Variants in FIGN observed in about 807,000 individuals in gnomAD.
The protein encoded by FIGN is fidgetin, microtubule severing factor.
A neutral mutation model predicts 51.3 loss-of-function variants in FIGN; 11 were observed. The ratio of observed to expected loss-of-function variants is 0.21; its 90% CI spans 0.13 to 0.35. The LOEUF (loss-of-function observed/expected upper bound fraction) is 0.35. Ranked by LOEUF, FIGN falls within the 10% of genes least tolerant of loss-of-function variation. FIGN has a pLI of 1.00. For missense variants in FIGN, 857 were observed against 943.6 expected (o/e 0.91, Z 1.20); for synonymous variants, 407 against 363.2 (o/e 1.12, Z -1.37).
At chr2:163,691,225 A>G (rs1684234332) in intron 2 of FIGN, among the ~76,000 whole-genome samples, 1 of 152,208 alleles carries the variant, frequency 6.6e-6, no homozygotes, top group Non-Finnish European at 1.5e-5. Flanking sequence ...TACAAAACAC[A>G]GACTGCACAC....
chr2:163,708,825 A>G (rs982044695), intron 2 of FIGN, among the ~76,000 whole-genome samples: 1 of 152,156 alleles, frequency 6.6e-6, no homozygotes, highest in African/African-American at 2.4e-5. Context: ...TGCTTCCACA[A>G]ACAAAATACT....
chr2:163,624,713 T>A (rs1041227077), intron 2 of FIGN, among the ~76,000 whole-genome samples: 4 of 148,882 alleles, frequency 2.7e-5, no homozygotes, highest in Non-Finnish European at 5.9e-5. Context: ...TATATATTTT[T>A]TTTTTTCCTA....
chr2:163,653,002 A>T (rs1471400823), intron 2 of FIGN, among the ~76,000 whole-genome samples: 1 of 152,168 alleles, frequency 6.6e-6, no homozygotes, highest in Non-Finnish European at 1.5e-5. Context: ...TGTAAAAATG[A>T]TTAAGAGAGA....
chr2:163,638,060 T>C (rs1288449103), intron 2 of FIGN, among the ~76,000 whole-genome samples: 1 of 151,932 alleles, frequency 6.6e-6, no homozygotes, highest in Admixed American at 6.6e-5. Context: ...CTTTTAAGCA[T>C]TGCTCCCTGA....
chr2:163,703,128 T>C (rs550831101), intron 2 of FIGN, among the ~76,000 whole-genome samples: 22 of 151,836 alleles, frequency 1.4e-4, no homozygotes, highest in African/African-American at 5.1e-4. Context: ...TTTTTTGTAA[T>C]TGAAAAAATA....
At chr2:163,708,998 C>T (rs1290643173) in intron 2 of FIGN, among the ~76,000 whole-genome samples, 1 of 152,114 alleles carries the variant, frequency 6.6e-6, no homozygotes, top group Non-Finnish European at 1.5e-5. Flanking sequence ...ATAGATTCTT[C>T]CTGAAGAGTC....
At chr2:163,634,089 C>T (rs75425246) in intron 2 of FIGN, among the ~76,000 whole-genome samples, 26 of 145,494 alleles carry the variant, frequency 1.8e-4, no homozygotes, top group African/African-American at 5.1e-4. Flanking sequence ...CGTATGTATG[C>T]GTGTGTGTGT....
In FIGN at chr2:163,618,678, C is replaced by T. The variant is rs1268933769; in HGVS notation, c.26-6872G>A. On this transcript the variant is annotated intron_variant, in intron 2 of 2. Transcript: ENST00000333129. ...AAGATCTTACAACACTTCATTCGTGCCTGGCAACAGCTGTCCGATTCTGGG... is the reference window on the plus strand; with the variant it reads ...AAGATCTTACAACACTTCATTCGTGTCTGGCAACAGCTGTCCGATTCTGGG... Among the ~76,000 whole-genome samples the T allele has an allele frequency of 3.3e-5, 5 of 152,218 alleles. No homozygotes were observed. The South Asian group carries it at 8.3e-4, about 25-fold the overall frequency.
rs556234184 is a variant in FIGN at position 163,697,102 on chromosome 2, TTC to T, written c.25+37799_25+37800del. ...CATAATTTTTTTTCTTTTCTTTTCT[TTC>T]TTTTTTTTTTTTTTTTGAGACGGGT... On this transcript the variant is annotated intron_variant, in intron 2 of 2. Coordinates refer to ENST00000333129, the MANE Select transcript of FIGN (RefSeq NM_018086.4). Among the ~76,000 whole-genome samples, 574 of 112,246 alleles carry T rather than the reference TTC, an allele frequency of 5.1e-3. 47 individuals carry two copies. The highest frequency in any genetic ancestry group is 0.015 in the African/African-American group (440 of 29,120). The allele number at this position is 112,246 out of a possible 152,430, so 73.6% of individuals were successfully genotyped here.
intron 2 of FIGN, among the ~76,000 whole-genome samples, chr2:163,721,085 T>C (rs1684749942): frequency 6.6e-6 from 1 of 152,194 alleles, no homozygotes. Flanking sequence ...TCATACTTTG[T>C]GGCCACCAAC....
chr2:163,648,031 C>T (rs1683410138), intron 2 of FIGN, among the ~76,000 whole-genome samples: 1 of 152,014 alleles, frequency 6.6e-6, no homozygotes, highest in Non-Finnish European at 1.5e-5. Flanking sequence ...GACACCCAGG[C>T]ACATGCAAGC....
intron 2 of FIGN, among the ~76,000 whole-genome samples, chr2:163,624,488 CT>C (rs1325927835): frequency 2.0e-5 from 3 of 151,310 alleles, no homozygotes; most frequent in African/African-American, 7.3e-5. Context: ...TCAAGGCAGC[CT>C]TTGCTGTTTT....
chr2:163,671,036 A>G (rs372877295), intron 2 of FIGN, among the ~76,000 whole-genome samples: 1 of 152,214 alleles, frequency 6.6e-6, no homozygotes, highest in Non-Finnish European at 1.5e-5. Context: ...TGGAACTACT[A>G]TATAACACGG....
intron 2 of FIGN, among the ~76,000 whole-genome samples, chr2:163,724,843 G>T (rs16848868): frequency 6.6e-6 from 1 of 151,808 alleles, no homozygotes; most frequent in South Asian, 2.1e-4. Flanking sequence ...TAAAATTATG[G>T]GGACGAAAAG....
rs1325792676 is a variant in FIGN at position 163,707,389 on chromosome 2, A to C, written c.25+27514T>G. Among the ~76,000 whole-genome samples the C allele has an allele frequency of 2.0e-5, 3 of 151,978 alleles. No homozygotes were observed. The East Asian group carries it at 5.8e-4, about 29-fold the overall frequency. ...AACAAAAAAAGAAAAAACACTCCTCAATAGTATGATCCTCATTTTATTCTC... is the reference window on the plus strand; with the variant it reads ...AACAAAAAAAGAAAAAACACTCCTCCATAGTATGATCCTCATTTTATTCTC... On this transcript the variant is annotated intron_variant, in intron 2 of 2. Coordinates refer to ENST00000333129, the MANE Select transcript of FIGN (RefSeq NM_018086.4).
At chr2:163,655,824 G>A (rs1026506238) in intron 2 of FIGN, among the ~76,000 whole-genome samples, 3 of 151,682 alleles carry the variant, frequency 2.0e-5, no homozygotes, top group Non-Finnish European at 4.4e-5. Context: ...GAGAGAGAGA[G>A]AGAGCTCTAC....
chr2:163,659,572 A>G (rs1683618348), intron 2 of FIGN, among the ~76,000 whole-genome samples: 1 of 152,176 alleles, frequency 6.6e-6, no homozygotes, highest in Non-Finnish European at 1.5e-5. Flanking sequence ...ATGAAACACC[A>G]TTTTGGGGGG....
At chr2:163,691,986 C>G (rs903949107) in intron 2 of FIGN, among the ~76,000 whole-genome samples, 1 of 152,158 alleles carries the variant, frequency 6.6e-6, no homozygotes, top group African/African-American at 2.4e-5. Context: ...TCAATCAAAT[C>G]TATCTTAAAC....
chr2:163,693,416 T>C (rs768144259), intron 2 of FIGN, among the ~76,000 whole-genome samples: 7 of 152,186 alleles, frequency 4.6e-5, no homozygotes, highest in Non-Finnish European at 1.0e-4. Flanking sequence ...CTTTCTCCAG[T>C]GCCTAGCATA....
Sources: gnomAD v4.1 joint callset for allele counts (sites outside exome capture counted in the v4.1 genomes callset) on GRCh38, gnomAD v4.1.1 for gene constraint, MANE v1.5 for transcripts, NCBI Gene and HGNC (gene_info 2026-07-23, HGNC 2026-07-21) for gene names.